Variants in C18orf32 observed in about 807,000 individuals in gnomAD.
The protein encoded by C18orf32 is UPF0729 protein C18orf32.
In C18orf32, 5 loss-of-function variants were observed where a neutral mutation model predicts 7.4. The observed-to-expected ratio is 0.68, with a 90% CI of 0.35 to 1.42. The LOEUF is 1.42. Ranked by LOEUF, C18orf32 falls within the 40% of genes most tolerant of loss-of-function variation. C18orf32 has a pLI of 0.04. For synonymous variants in C18orf32, 30 were observed against 29.3 expected, an observed-to-expected ratio of 1.02 and a Z score of -0.08; for missense variants, 88 against 92.4, an observed-to-expected ratio of 0.95 and a Z score of 0.19.
At chr18:49,486,255 C>G (rs181477205) in intron 1 of C18orf32, 196 of 152,252 alleles carry the variant, frequency 1.3e-3, no homozygotes, top group African/African-American at 4.5e-3. Flanking sequence ...TTTTACCAAA[C>G]TTTCCAAACC....
intron 2 of C18orf32, 97 bp downstream of exon 2, chr18:49,483,487 G>A (rs1162504727): frequency 2.2e-6 from 3 of 1,394,646 alleles, no homozygotes; most frequent in Non-Finnish European, 2.9e-6. Context: ...AACTATTGAA[G>A]CTTCTGGTTC....
rs1468280175 is a variant in C18orf32, at chr18:49,479,751, A to G, written c.*2594T>C. 3 of 152,326 alleles carry G rather than the reference A, an allele frequency of 2.0e-5. No homozygotes were observed. The highest frequency in any genetic ancestry group is 6.5e-5 in the Admixed American group (1 of 15,274). The allele number at this position is 152,326 out of a possible 1,614,324, so 9.4% of individuals were successfully genotyped here. ...TGCCTTCATTCTCCTCCCTCCAGCC[A>G]TCTCCTGCTATGGATCGCTATTGGC... On this transcript the variant is annotated 3_prime_UTR_variant, in exon 3 of 3. Transcript: ENST00000318240.
At chr18:49,485,271 G>T (rs2083723849) in intron 1 of C18orf32, among the ~76,000 whole-genome samples, 1 of 152,050 alleles carries the variant, frequency 6.6e-6, no homozygotes, top group Non-Finnish European at 1.5e-5. Flanking sequence ...AATGTAAATT[G>T]AGGCTGGGCG....
In C18orf32 at chr18:49,478,940, T is replaced by C. The variant is rs1169817768; in HGVS notation, c.*3405A>G. 2.1e-5 allele frequency: 3 copies of C among 140,876 alleles called. No individual in the cohort carries two copies. Among genetic ancestry groups the C allele is most frequent in the Admixed American group, 6.8e-5 (1 of 14,800 alleles). The allele number at this position is 140,876 out of a possible 1,614,324, so 8.7% of individuals were successfully genotyped here. ...TTTTCACTCTTCTGGTGTCAAACTG[T>C]CTTTTACGAAATACTGGTAATAAAT... On this transcript the variant is annotated 3_prime_UTR_variant, in exon 3 of 3. Transcript: ENST00000318240.
Position 49,483,713 on chromosome 18 carries a change from C to T in C18orf32, c.36G>A (p.Leu12=). 1 of 1,613,196 alleles carries T rather than the reference C, an allele frequency of 6.2e-7. No individual in the cohort carries two copies. Among genetic ancestry groups the T allele is most frequent in the African/African-American group, 1.3e-5 (1 of 74,960 alleles). The change falls in exon 2 of 3, where the codon CTG becomes CTA. Residue 12 remains leucine, a synonymous_variant. Transcript: ENST00000318240. ...CCAGGAATTTTTTGTAGATCCAGAG[C>T]AGAACTGGAATGACGATACAAGGAA... ...VCIPCIVIPV[L]LWIYKKFLEP...
In C18orf32 at chr18:49,477,810, A is replaced by ATATG. The variant is rs2083630679; in HGVS notation, c.*4534_*4535insCATA. 9.4e-6 allele frequency: 1 copy of ATATG among 106,486 alleles called. No homozygotes were observed. The highest frequency in any genetic ancestry group is 1.8e-5 in the Non-Finnish European group (1 of 55,986). The allele number at this position is 106,486 out of a possible 1,614,324, so 6.6% of individuals were successfully genotyped here. ...AACAAACAAACAAAAATATATATAT[A>ATATG]TACACACACTATATATATATACACA... On this transcript the variant is annotated 3_prime_UTR_variant, in exon 3 of 3. Coordinates refer to ENST00000318240, the MANE Select transcript of C18orf32 (RefSeq NM_001035005.4).
rs1218797932 is a variant in C18orf32 at position 49,477,929 on chromosome 18, C to CTATATATATATA, written c.*4404_*4415dup. The CTATATATATATA allele has an allele frequency of 3.9e-4, 53 of 135,504 alleles. 2 individuals are homozygous for CTATATATATATA. In the South Asian group the frequency reaches 0.011, roughly 29 times the overall value. The allele number at this position is 135,504 out of a possible 1,614,324, so 8.4% of individuals were successfully genotyped here. ...TATATACACTATATATATATACACA[C>CTATATATATATA]TATATATATATATACACTATATATA... On this transcript the variant is annotated 3_prime_UTR_variant, in exon 3 of 3. Transcript: ENST00000318240.
chr18:49,484,201 C>CAAT (rs56983810), intron 1 of C18orf32, among the ~76,000 whole-genome samples: 1 of 117,836 alleles, frequency 8.5e-6, no homozygotes, highest in African/African-American at 3.4e-5. Context: ...CACACACACA[C>CAAT]GAAAGGACTA....
At chr18:49,483,808 CA>C in intron 1 of C18orf32, 37 bp from the exon 2 acceptor site, 1 of 1,575,676 alleles carries the variant, frequency 6.3e-7, no homozygotes, top group Non-Finnish European at 8.6e-7. Flanking sequence ...TAGTTCATCA[CA>C]GATTAGTAAC....
Position 49,482,279 on chromosome 18 carries a change from A to T in C18orf32, c.*66T>A. On this transcript the variant is annotated 3_prime_UTR_variant, in exon 3 of 3. Coordinates refer to ENST00000318240, the MANE Select transcript of C18orf32 (RefSeq NM_001035005.4). ...TCAGATAAAAAGGTCAGAGACAATT[A>T]CAAGGAAGATGCTTCATATTATCAG... is the stretch of plus-strand genomic sequence containing the variant. 8.8e-7 allele frequency: 1 copy of T among 1,134,342 alleles called. No homozygotes were observed. Among genetic ancestry groups the T allele is most frequent in the Admixed American group, 1.8e-5 (1 of 57,116 alleles). The allele number at this position is 1,134,342 out of a possible 1,614,324, so 70.3% of individuals were successfully genotyped here. A position where few individuals can be genotyped will look rare whatever the true frequency, so the allele number is the denominator to read the frequency against.
chr18:49,478,874 T>C lies in C18orf32; in HGVS notation c.*3471A>G, dbSNP rs1256093517. 1 of 151,746 alleles carries C rather than the reference T, an allele frequency of 6.6e-6. No homozygotes were observed. The highest frequency in any genetic ancestry group is 1.5e-5 in the Non-Finnish European group (1 of 68,046). The allele number at this position is 151,746 out of a possible 1,614,324, so 9.4% of individuals were successfully genotyped here. A position where few individuals can be genotyped will look rare whatever the true frequency, so the allele number is the denominator to read the frequency against. ...AAAATTAACACTTTTCATACGCTTA[T>C]TCAAACTGATGGCTATTTTTGTCCA... is the stretch of plus-strand genomic sequence containing the variant. On this transcript the variant is annotated 3_prime_UTR_variant, in exon 3 of 3. Transcript: ENST00000318240.
intron 1 of C18orf32, chr18:49,486,698 A>C (rs904503775): frequency 1.3e-5 from 2 of 152,156 alleles, no homozygotes; most frequent in Non-Finnish European, 2.9e-5. Context: ...CAGAGTAGAC[A>C]GTTAAAGTCT....
At chr18:49,485,732 C>A (rs1225258248) in intron 1 of C18orf32, among the ~76,000 whole-genome samples, 1 of 151,856 alleles carries the variant, frequency 6.6e-6, no homozygotes, top group Non-Finnish European at 1.5e-5. Context: ...AGCTATCCCC[C>A]TTCCTCAGCC....
intron 1 of C18orf32, chr18:49,486,078 C>G (rs60925215): frequency 5.2e-5 from 5 of 95,584 alleles, no homozygotes; most frequent in African/African-American, 2.4e-4. Flanking sequence ...CAGACCCTGT[C>G]TCAAGATTAA....
intron 1 of C18orf32, among the ~76,000 whole-genome samples, chr18:49,485,556 GAA>G (rs1245339927): frequency 7.4e-6 from 1 of 135,690 alleles, no homozygotes; most frequent in Non-Finnish European, 1.6e-5. Flanking sequence ...CTCCGTGTCA[GAA>G]AAAAAAAAAA....
rs199770871 is a variant in C18orf32 at position 49,485,568 on chromosome 18, AT to A, written c.-24+1474del. ...AAACTCCGTGTCAGAAAAAAAAAAA[AT>A]AAAAATAAAATAAAATAAAATCAAT... On this transcript the variant is annotated intron_variant, in intron 1 of 2. Coordinates refer to ENST00000318240, the MANE Select transcript of C18orf32 (RefSeq NM_001035005.4). Among the ~76,000 whole-genome samples, 40 of 151,552 alleles carry A rather than the reference AT, an allele frequency of 2.6e-4. 1 individual carries two copies. The East Asian group carries it at 4.1e-3, about 15-fold the overall frequency.
chr18:49,482,278 T>C lies in C18orf32; in HGVS notation c.*67A>G, dbSNP rs376950528. 3.2e-5 allele frequency: 36 copies of C among 1,132,632 alleles called. No individual in the cohort carries two copies. Among genetic ancestry groups the C allele is most frequent in the Non-Finnish European group, 4.4e-5 (33 of 745,492 alleles). The allele number at this position is 1,132,632 out of a possible 1,614,324, so 70.2% of individuals were successfully genotyped here. ...CTCAGATAAAAAGGTCAGAGACAAT[T>C]ACAAGGAAGATGCTTCATATTATCA... is the stretch of plus-strand genomic sequence containing the variant. On this transcript the variant is annotated 3_prime_UTR_variant, in exon 3 of 3. Coordinates refer to ENST00000318240, the MANE Select transcript of C18orf32 (RefSeq NM_001035005.4).
intron 1 of C18orf32, chr18:49,486,673 C>T (rs2083753985): frequency 6.6e-6 from 1 of 152,054 alleles, no homozygotes; most frequent in Admixed American, 6.6e-5. Context: ...TTTCACTCAA[C>T]TTAAGTCCAG....
At chr18:49,486,201 C>T (rs1384967595) in intron 1 of C18orf32, 1 of 152,112 alleles carries the variant, frequency 6.6e-6, no homozygotes, top group African/African-American at 2.4e-5. Context: ...AATGCTCTTG[C>T]CTTTTCCTCT....
Sources: gnomAD v4.1 joint callset for allele counts (sites outside exome capture counted in the v4.1 genomes callset) on GRCh38, gnomAD v4.1.1 for gene constraint, MANE v1.5 for transcripts, NCBI Gene and HGNC (gene_info 2026-07-23, HGNC 2026-07-21) for gene names.